Variants in ITGAL observed in about 807,000 individuals in gnomAD.
ITGAL encodes the protein integrin subunit alpha L, also known as integrin alpha-L.
A neutral mutation model predicts 138.4 loss-of-function variants in ITGAL; 68 were observed. The observed-to-expected ratio is 0.49, with a 90% confidence interval of 0.40 to 0.60. The LOEUF (loss-of-function observed/expected upper bound fraction) is 0.60, where lower values mean the gene tolerates loss of function less well. Among genes scored for constraint, ITGAL ranks in the 20% least tolerant of loss-of-function variants. The probability of loss-of-function intolerance (pLI) is 0.00; values close to 1 mark genes in which losing one functional copy is unlikely to be tolerated. For missense variants in ITGAL, 1,256 were observed against 1,478.6 expected, an observed-to-expected ratio of 0.85 and a Z score of 2.47; for synonymous variants, 561 against 584.3, an observed-to-expected ratio of 0.96 and a Z score of 0.57.
At chr16:30,502,251 G>A (rs184017091) in intron 17 of ITGAL, among the ~76,000 whole-genome samples, 163 of 151,528 alleles carry the variant, frequency 1.1e-3, no homozygotes, top group African/African-American at 3.7e-3. Flanking sequence ...CAAAAAATTA[G>A]CTGGGCGTGG....
At chr16:30,518,584 T>C (rs2051205770) in intron 28 of ITGAL, 40 bp from the exon 29 acceptor site, 1 of 1,437,620 alleles carries the variant, frequency 7.0e-7, no homozygotes, top group Admixed American at 1.7e-5. Flanking sequence ...GGTTCTGTCC[T>C]CGTTCTCCCG....
intron 29 of ITGAL, 34 bp from the exon 30 acceptor site, chr16:30,519,823 G>T: frequency 7.0e-7 from 1 of 1,425,618 alleles, no homozygotes; most frequent in Non-Finnish European, 9.9e-7. Flanking sequence ...GGTGGAAAAG[G>T]CATTTTCCGG....
chr16:30,478,570 T>C (rs1384364151), intron 4 of ITGAL, among the ~76,000 whole-genome samples: 7 of 141,056 alleles, frequency 5.0e-5, no homozygotes, highest in South Asian at 4.5e-4. Context: ...TAGTGGCGGG[T>C]GCCTGTAGTC....
intron 21 of ITGAL, among the ~76,000 whole-genome samples, chr16:30,508,984 C>A (rs539593439): frequency 7.9e-5 from 12 of 152,038 alleles, no homozygotes; most frequent in African/African-American, 2.9e-4. Flanking sequence ...CAAAACCAGA[C>A]GGGGCAACAT....
chr16:30,497,445 C>T (rs1261432989), intron 15 of ITGAL, among the ~76,000 whole-genome samples: 1 of 151,478 alleles, frequency 6.6e-6, no homozygotes, highest in Non-Finnish European at 1.5e-5. Flanking sequence ...AGTTTGAGAC[C>T]AGCCTGGGCA....
intron 1 of ITGAL, 29 bp downstream of exon 1, chr16:30,472,927 A>T (rs2050415018): frequency 1.2e-6 from 2 of 1,604,098 alleles, no homozygotes; most frequent in African/African-American, 1.3e-5. Flanking sequence ...AGGGGAAGGG[A>T]CATGTGTCTG....
At chr16:30,475,484 C>G in intron 3 of ITGAL, 29 bp from the exon 4 acceptor site, 1 of 1,609,620 alleles carries the variant, frequency 6.2e-7, no homozygotes, top group Non-Finnish European at 8.5e-7. Flanking sequence ...TGCCTGAGCT[C>G]CTCCAGACCA....
At chr16:30,490,251 C>T (rs909877435) in intron 11 of ITGAL, among the ~76,000 whole-genome samples, 39 of 141,258 alleles carry the variant, frequency 2.8e-4, no homozygotes, top group African/African-American at 1.0e-3. Context: ...AAAAAAAGGC[C>T]TTTTATATGC....
chr16:30,502,270 G>A (rs1001203678), intron 17 of ITGAL, among the ~76,000 whole-genome samples: 4 of 150,004 alleles, frequency 2.7e-5, no homozygotes, highest in East Asian at 2.0e-4. Flanking sequence ...GGTGGTGGGG[G>A]CCTGTAGTCC....
chr16:30,482,431 C>G (rs1222905334), intron 7 of ITGAL, among the ~76,000 whole-genome samples: 1 of 152,088 alleles, frequency 6.6e-6, no homozygotes, highest in Non-Finnish European at 1.5e-5. Flanking sequence ...AGGACTTTGG[C>G]TTTCCTCTGA....
intron 20 of ITGAL, among the ~76,000 whole-genome samples, chr16:30,506,253 C>G (rs2050992749): frequency 9.9e-6 from 1 of 101,276 alleles, no homozygotes; most frequent in Non-Finnish European, 1.8e-5. Flanking sequence ...GAGTGAGATT[C>G]TGTCTCAATA....
intron 11 of ITGAL, among the ~76,000 whole-genome samples, chr16:30,491,626 A>C (rs1262603646): frequency 6.6e-6 from 1 of 151,702 alleles, no homozygotes; most frequent in Non-Finnish European, 1.5e-5. Flanking sequence ...TGAGATTGGT[A>C]CTGTTCCTTT....
chr16:30,513,751 C>T lies in ITGAL; in HGVS notation c.2787-20C>T. 1 of 1,604,742 alleles carries T rather than the reference C, an allele frequency of 6.2e-7. No homozygotes were observed. Among genetic ancestry groups the T allele is most frequent in the Non-Finnish European group, 8.5e-7 (1 of 1,171,590 alleles). On this transcript the variant is annotated intron_variant, in intron 24 of 30. Coordinates refer to ENST00000356798, the MANE Select transcript of ITGAL (RefSeq NM_002209.3). ...TTGCTGTCACTTCGTTCTTCCATCG[C>T]TGCCCTTCTCTCTCCGCAGCCAAGA...
At chr16:30,481,183 C>CACACCA (rs1555505200) in intron 6 of ITGAL, 3 of 355,492 alleles carry the variant, frequency 8.4e-6, no homozygotes, top group African/African-American at 7.8e-5. Context: ...CACACACACA[C>CACACCA]CACACACACA....
At chr16:30,511,007 A>AC (rs1240069979) in intron 23 of ITGAL, 43 bp from the exon 24 acceptor site, 2 of 1,610,662 alleles carry the variant, frequency 1.2e-6, no homozygotes, top group African/African-American at 2.7e-5. Context: ...AGACCTGGCC[A>AC]AGCCCTTCTC....
In ITGAL at chr16:30,494,219, C is replaced by A. The variant is rs768669649; in HGVS notation, c.1221C>A (p.Thr407=). The A allele has an allele frequency of 6.2e-7, 1 of 1,606,576 alleles. No homozygotes were observed. The highest frequency in any genetic ancestry group is 1.1e-5 in the South Asian group (1 of 90,224). ...PEVRAGYLGY[T]VTWLPSRQKT... is the part of the protein sequence containing the mutation. ...CCCACACACTTTCCTCAGGTTACAC[C>A]GTGACCTGGCTGCCCTCCCGGCAAA... Residue 407 remains threonine (T), a synonymous_variant, in exon 12 of 31, where the codon ACC becomes ACA. Coordinates refer to ENST00000356798, the MANE Select transcript of ITGAL (RefSeq NM_002209.3). The surrounding 1 kb of genome is among the most constrained non-coding windows in gnomAD (Gnocchi z 4.2).
chr16:30,483,226 C>G (rs890734405), intron 7 of ITGAL: 1 of 152,254 alleles, frequency 6.6e-6, no homozygotes, highest in East Asian at 1.9e-4. Context: ...CATGCACAAC[C>G]GCCTCCTTTG....
intron 29 of ITGAL, among the ~76,000 whole-genome samples, chr16:30,519,116 G>A (rs1367379668): frequency 6.6e-5 from 10 of 152,042 alleles, no homozygotes; most frequent in Non-Finnish European, 1.3e-4. Flanking sequence ...CCAGCTGTTC[G>A]GGAGGCTGAG....
At chr16:30,499,309 T>G in intron 16 of ITGAL, 29 bp from the exon 17 acceptor site, 1 of 1,613,642 alleles carries the variant, frequency 6.2e-7, no homozygotes, top group East Asian at 2.2e-5. Flanking sequence ...CCCCCACCAT[T>G]TAACTCTTGC....
Sources: gnomAD v4.1 joint callset for allele counts (sites outside exome capture counted in the v4.1 genomes callset) on GRCh38, gnomAD v4.1.1 for gene constraint, Gnocchi (gnomAD v3.1) non-coding constraint, MANE v1.5 for transcripts, NCBI Gene and HGNC (gene_info 2026-07-23, HGNC 2026-07-21) for gene names.